Variants in DCBLD2 observed in about 807,000 individuals in gnomAD.
The protein encoded by DCBLD2 is discoidin, CUB and LCCL domain containing 2.
In DCBLD2, 54 loss-of-function variants were observed where a neutral mutation model predicts 86.8. The observed-to-expected ratio is 0.62, with a 90% confidence interval of 0.50 to 0.78. The LOEUF is 0.78. Ranked by LOEUF, DCBLD2 falls within the 30% of genes least tolerant of loss-of-function variation. The probability of loss-of-function intolerance (pLI) is 0.00; values close to 1 mark genes in which losing one functional copy is unlikely to be tolerated. For missense variants in DCBLD2, 908 were observed against 954.2 expected (o/e 0.95, Z 0.64); for synonymous variants, 354 against 341.3 (o/e 1.04, Z -0.41).
At chr3:98,822,169 T>C in intron 6 of DCBLD2, 59 bp downstream of exon 6, 1 of 1,598,534 alleles carries the variant, frequency 6.3e-7, no homozygotes, top group Non-Finnish European at 8.6e-7. Context: ...CTTAGCCCAG[T>C]GCTACCCAGA....
intron 1 of DCBLD2, among the ~76,000 whole-genome samples, chr3:98,884,525 A>C (rs1272074769): frequency 1.3e-5 from 2 of 152,076 alleles, no homozygotes; most frequent in Non-Finnish European, 2.9e-5. Context: ...AAAATAAATG[A>C]ATTGTAAGAT....
At chr3:98,841,240 C>T (rs1331960789) in intron 3 of DCBLD2, among the ~76,000 whole-genome samples, 2 of 152,074 alleles carry the variant, frequency 1.3e-5, no homozygotes, top group Non-Finnish European at 2.9e-5. Context: ...TGAAGGCAAG[C>T]CAATAATCAA....
Position 98,901,296 on chromosome 3 carries a change from G to T in DCBLD2, c.31C>A (p.Arg11Ser). 6.7e-7 allele frequency: 1 copy of T among 1,501,164 alleles called. No homozygotes were observed. The highest frequency in any genetic ancestry group is 8.8e-7 in the Non-Finnish European group (1 of 1,132,390). 93.0% of individuals were successfully genotyped at this position (1,501,164 alleles called of 1,614,324 possible). Reference protein sequence around the residue: MASRAVVRARRCPQCPQVRAA... With the variant: MASRAVVRARSCPQCPQVRAA... ...CGGACTTGGGGACACTGCGGGCAGC[G>T]CCTGGCTCTCACCACCGCCCGGCTC... is the stretch of plus-strand genomic sequence containing the variant. Residue 11 changes from arginine (R) to serine (S), a missense_variant, in exon 1 of 16, where the codon CGC becomes AGC. Physicochemically the swap from Arg to Ser is moderately radical, Grantham distance 110 (BLOSUM62 -1). This residue lies in a region of DCBLD2 where 294 missense variants were observed against 256.0 expected (regional missense o/e 1.15). Transcript: ENST00000326840.
intron 3 of DCBLD2, among the ~76,000 whole-genome samples, chr3:98,839,986 G>A (rs1942591945): frequency 6.6e-6 from 1 of 152,166 alleles, no homozygotes; most frequent in African/African-American, 2.4e-5. Context: ...GGCCCTGTTA[G>A]GAAATGTGCT....
intron 10 of DCBLD2, 151 bp downstream of exon 10, chr3:98,812,181 C>A (rs1243755654): frequency 9.3e-7 from 1 of 1,071,214 alleles, no homozygotes; most frequent in African/African-American, 1.6e-5. Context: ...AATAGGGTAA[C>A]CATTTTTTTT....
chr3:98,834,192 T>C lies in DCBLD2; in HGVS notation c.572-8826A>G, dbSNP rs1452451333. On this transcript the variant is annotated intron_variant, in intron 3 of 15. Coordinates refer to ENST00000326840, the MANE Select transcript of DCBLD2 (RefSeq NM_080927.4). ...AATTTTTTTATTGATACATAATAGA[T>C]GTACCTATTTTGGGGAGTACATATG... Among the ~76,000 whole-genome samples the C allele has an allele frequency of 2.0e-5, 3 of 150,730 alleles. No homozygotes were observed. The East Asian group carries it at 5.8e-4, about 29-fold the overall frequency.
At chr3:98,882,563 C>T (rs1297720802) in intron 1 of DCBLD2, among the ~76,000 whole-genome samples, 1 of 152,122 alleles carries the variant, frequency 6.6e-6, no homozygotes, top group Admixed American at 6.5e-5. Context: ...TAATGCTATC[C>T]CTTCCCCAGC....
chr3:98,869,831 C>T lies in DCBLD2; in HGVS notation c.433+11709G>A, dbSNP rs532476063. On this transcript the variant is annotated intron_variant, in intron 2 of 15. Coordinates refer to ENST00000326840, the MANE Select transcript of DCBLD2 (RefSeq NM_080927.4). ...AACTTTTCATGAACAATGTTAGCAT[C>T]ATGTGTAGGAATGCTGTTTTCTAAG... is the stretch of plus-strand genomic sequence containing the variant. 5.3e-5 allele frequency among the ~76,000 whole-genome samples: 8 copies of T among 152,318 alleles called. No individual in the cohort carries two copies. In the South Asian group the frequency reaches 1.2e-3, roughly 24 times the overall value.
chr3:98,830,001 G>C (rs747218168), intron 3 of DCBLD2, among the ~76,000 whole-genome samples: 1 of 152,110 alleles, frequency 6.6e-6, no homozygotes, highest in Non-Finnish European at 1.5e-5. Context: ...CGATGATATT[G>C]AGCTTTTTTT....
At chr3:98,855,576 A>G (rs957628837) in intron 2 of DCBLD2, among the ~76,000 whole-genome samples, 2 of 152,218 alleles carry the variant, frequency 1.3e-5, no homozygotes, top group East Asian at 3.8e-4. Context: ...AGTCAGGAAA[A>G]AAATGTAGTT....
At chr3:98,819,928 A>G (rs1255423466) in intron 7 of DCBLD2, among the ~76,000 whole-genome samples, 1 of 152,102 alleles carries the variant, frequency 6.6e-6, no homozygotes, top group Admixed American at 6.5e-5. Flanking sequence ...TTACTCTATC[A>G]CTCGAACCAG....
At chr3:98,868,935 T>C (rs1286102006) in intron 2 of DCBLD2, among the ~76,000 whole-genome samples, 1 of 152,192 alleles carries the variant, frequency 6.6e-6, no homozygotes, top group Non-Finnish European at 1.5e-5. Flanking sequence ...AACATACTAG[T>C]GCAGGTATCT....
intron 2 of DCBLD2, among the ~76,000 whole-genome samples, chr3:98,863,207 C>A (rs1410915174): frequency 1.3e-5 from 2 of 151,650 alleles, no homozygotes; most frequent in Admixed American, 1.3e-4. Context: ...AACCACTGCT[C>A]AACAAAAGAG....
intron 2 of DCBLD2, 83 bp downstream of exon 2, chr3:98,881,457 T>C (rs772116297): frequency 9.4e-6 from 12 of 1,269,980 alleles, no homozygotes; most frequent in African/African-American, 1.5e-5. Flanking sequence ...TTACACTGCA[T>C]GGTTATTTAA....
chr3:98,867,744 A>AG (rs1943180179), intron 2 of DCBLD2, among the ~76,000 whole-genome samples: 1 of 134,682 alleles, frequency 7.4e-6, no homozygotes, highest in Admixed American at 7.4e-5. Flanking sequence ...ATATGAAGTA[A>AG]GGGAATCATG....
intron 2 of DCBLD2, among the ~76,000 whole-genome samples, chr3:98,871,696 T>C (rs1943284382): frequency 6.6e-6 from 1 of 152,198 alleles, no homozygotes; most frequent in Admixed American, 6.5e-5. Context: ...TTGAGGATTT[T>C]TGCACCTATG....
At chr3:98,812,773 C>T in intron 9 of DCBLD2, 1 of 216,688 alleles carries the variant, frequency 4.6e-6, no homozygotes, top group South Asian at 8.5e-5. Flanking sequence ...GGTTTCAAAT[C>T]CAGTGAGACA....
At chr3:98,855,112 C>T (rs1942908137) in intron 2 of DCBLD2, among the ~76,000 whole-genome samples, 1 of 151,942 alleles carries the variant, frequency 6.6e-6, no homozygotes, top group South Asian at 2.1e-4. Context: ...AACCCATTAC[C>T]CGAATATATA....
intron 1 of DCBLD2, among the ~76,000 whole-genome samples, chr3:98,882,997 A>C (rs755534677): frequency 3.9e-5 from 6 of 152,170 alleles, no homozygotes; most frequent in Non-Finnish European, 8.8e-5. Flanking sequence ...GAATCGCCAC[A>C]CTGTCTTCCA....
Sources: allele counts gnomAD v4.1 joint callset (sites outside exome capture counted in the v4.1 genomes callset), GRCh38; gene constraint gnomAD v4.1.1; regional missense constraint gnomAD v4.1.1; transcripts MANE v1.5; gene names NCBI Gene and HGNC (gene_info 2026-07-23, HGNC 2026-07-21).